PEPD: variants seen among roughly 807,000 people sequenced by gnomAD.
PEPD encodes the protein peptidase D, also known as xaa-Pro dipeptidase.
A neutral mutation model predicts 60.7 loss-of-function variants in PEPD; 53 were observed. That is an observed-to-expected ratio of 0.87 (90% confidence interval 0.70 to 1.10). PEPD has a LOEUF of 1.10. Among genes scored for constraint, PEPD ranks in the 50% least tolerant of loss-of-function variants. PEPD has a pLI of 0.00. For synonymous variants in PEPD, 267 were observed against 284.1 expected (o/e 0.94, Z 0.60); for missense variants, 711 against 711.9 (o/e 1.00, Z 0.01).
intron 12 of PEPD, 69 bp downstream of exon 12, chr19:33,401,652 G>C: frequency 1.4e-6 from 2 of 1,425,678 alleles, no homozygotes; most frequent in Non-Finnish European, 9.7e-7. Context: ...TTCCCTGCAG[G>C]CACCTGCCAC....
At chr19:33,454,138 C>T (rs760476122) in intron 9 of PEPD, among the ~76,000 whole-genome samples, 4 of 152,106 alleles carry the variant, frequency 2.6e-5, no homozygotes, top group Admixed American at 6.6e-5. Context: ...CGGTGCAACC[C>T]GCAATGCCAG....
chr19:33,459,975 C>T (rs1368703665), intron 9 of PEPD, among the ~76,000 whole-genome samples: 3 of 152,126 alleles, frequency 2.0e-5, no homozygotes, highest in Non-Finnish European at 4.4e-5. Flanking sequence ...TATAGAAGAG[C>T]GGCTGGTTTC....
chr19:33,409,700 G>A (rs547846855), intron 11 of PEPD, among the ~76,000 whole-genome samples: 167 of 152,316 alleles, frequency 1.1e-3, no homozygotes, highest in African/African-American at 3.8e-3. Context: ...ACCAGGTGGT[G>A]TCTGGAGCCA....
chr19:33,493,906 G>A (rs1970547366), intron 4 of PEPD, among the ~76,000 whole-genome samples: 1 of 151,506 alleles, frequency 6.6e-6, no homozygotes, highest in Non-Finnish European at 1.5e-5. Flanking sequence ...CCCGGCCCAA[G>A]CCCTTGCATC....
intron 6 of PEPD, among the ~76,000 whole-genome samples, chr19:33,486,448 C>T (rs958501518): frequency 9.2e-5 from 14 of 152,010 alleles, no homozygotes; most frequent in African/African-American, 2.9e-4. Flanking sequence ...CAGACCATCC[C>T]GGCCTACACC....
intron 1 of PEPD, among the ~76,000 whole-genome samples, chr19:33,515,245 C>T (rs1971004107): frequency 6.6e-6 from 1 of 152,166 alleles, no homozygotes; most frequent in African/African-American, 2.4e-5. Flanking sequence ...GGGCAGGAAG[C>T]AGCCCTGGAG....
At chr19:33,417,939 A>G (rs928785029) in intron 9 of PEPD, among the ~76,000 whole-genome samples, 3 of 152,204 alleles carry the variant, frequency 2.0e-5, no homozygotes, top group African/African-American at 7.2e-5. Flanking sequence ...GTTCACCAGC[A>G]AAAACGCGGA....
chr19:33,506,070 G>T (rs369707718), intron 3 of PEPD, among the ~76,000 whole-genome samples: 1 of 78,492 alleles, frequency 1.3e-5, no homozygotes, highest in African/African-American at 5.1e-5. Flanking sequence ...CACCCCCATC[G>T]CAAACACCTT....
At chr19:33,455,947 T>C (rs1969789499) in intron 9 of PEPD, among the ~76,000 whole-genome samples, 1 of 152,208 alleles carries the variant, frequency 6.6e-6, no homozygotes, top group Non-Finnish European at 1.5e-5. Context: ...AGACAATGCC[T>C]ATTTATGTTA....
chr19:33,429,582 G>A (rs1024497292), intron 9 of PEPD, among the ~76,000 whole-genome samples: 2 of 152,194 alleles, frequency 1.3e-5, no homozygotes, highest in Non-Finnish European at 2.9e-5. Context: ...TTATTTAAAA[G>A]AAAGTCATCA....
chr19:33,473,368 T>A (rs1455948705), intron 7 of PEPD, among the ~76,000 whole-genome samples: 2 of 151,748 alleles, frequency 1.3e-5, no homozygotes, highest in Non-Finnish European at 2.9e-5. Flanking sequence ...GGATGTAGAA[T>A]CCTGGGACAC....
At chr19:33,464,536 G>T (rs974571265) in intron 7 of PEPD, among the ~76,000 whole-genome samples, 1 of 152,206 alleles carries the variant, frequency 6.6e-6, no homozygotes, top group African/African-American at 2.4e-5. Context: ...CCCACGGGTG[G>T]GTGACAGGGT....
intron 11 of PEPD, among the ~76,000 whole-genome samples, chr19:33,407,244 G>A (rs1968649008): frequency 6.6e-6 from 1 of 152,248 alleles, no homozygotes; most frequent in African/African-American, 2.4e-5. Flanking sequence ...CCTGTGGGGT[G>A]AGCCTCTCCA....
intron 5 of PEPD, among the ~76,000 whole-genome samples, chr19:33,491,499 T>C (rs781686153): frequency 1.3e-5 from 2 of 152,186 alleles, no homozygotes; most frequent in Admixed American, 6.5e-5. Context: ...TGAACATAAA[T>C]TTAATTTATT....
intron 11 of PEPD, among the ~76,000 whole-genome samples, chr19:33,405,744 G>A (rs1327171416): frequency 1.3e-5 from 2 of 152,236 alleles, no homozygotes; most frequent in African/African-American, 2.4e-5. Context: ...GAGGCTCCCC[G>A]TGCCATGGCC....
chr19:33,485,859 T>G (rs955267037), intron 6 of PEPD, among the ~76,000 whole-genome samples: 2 of 152,112 alleles, frequency 1.3e-5, no homozygotes, highest in African/African-American at 4.8e-5. Context: ...CCATATACAA[T>G]GGCAGGAAAC....
intron 4 of PEPD, among the ~76,000 whole-genome samples, chr19:33,500,433 C>T (rs1970685734): frequency 6.6e-6 from 1 of 152,228 alleles, no homozygotes; most frequent in Admixed American, 6.5e-5. Flanking sequence ...AGAGGACAGC[C>T]ACATGCCTAC....
intron 9 of PEPD, among the ~76,000 whole-genome samples, chr19:33,415,765 C>T (rs556275870): frequency 2.6e-5 from 4 of 152,220 alleles, no homozygotes; most frequent in Admixed American, 6.5e-5. Flanking sequence ...TCACCTTTGC[C>T]GGCCACGTTG....
intron 9 of PEPD, among the ~76,000 whole-genome samples, chr19:33,443,721 G>A (rs780894844): frequency 2.6e-5 from 4 of 152,228 alleles, no homozygotes; most frequent in Non-Finnish European, 5.9e-5. Context: ...GCTGAAAGAG[G>A]AGTGATCTGA....
Sources: allele counts gnomAD v4.1 joint callset (sites outside exome capture counted in the v4.1 genomes callset), GRCh38; gene constraint gnomAD v4.1.1; transcripts MANE v1.5; gene names NCBI Gene and HGNC (gene_info 2026-07-23, HGNC 2026-07-21).